The following LGALS12 variants were observed in gnomAD, a reference collection of about 807,000 sequenced individuals.
LGALS12 encodes the protein galectin 12, also known as galectin-12.
Under a neutral mutation model 36.8 loss-of-function variants are expected in LGALS12, and 36 were observed. That is an observed-to-expected ratio of 0.98 (90% CI 0.75 to 1.29). LGALS12 has a LOEUF of 1.29. Among genes scored for constraint, LGALS12 ranks in the 50% most tolerant of loss-of-function variants. The pLI is 0.00. For synonymous variants in LGALS12, 145 were observed against 155.9 expected (o/e 0.93, Z 0.52); for missense variants, 366 against 394.3 (o/e 0.93, Z 0.61).
At position 63,508,861 on chromosome 11, in the gene LGALS12, C is replaced by A; in HGVS notation, c.242C>A (p.Thr81Asn). ...AFHFNPRFHT[T>N]KPHVICNTLH... is the part of the protein sequence containing the mutation. ...CACTTCAACCCTCGCTTCCATACCA[C>A]CAAGCCCCATGTCATCTGCAACACC... Residue 81 changes from threonine (T) to asparagine (N), a missense_variant, in exon 3 of 9, where the codon ACC (threonine) becomes AAC (asparagine). Thr to Asn is a moderately conservative substitution (Grantham distance 65). Transcript: ENST00000394618. 6.2e-7 allele frequency: 1 copy of A among 1,614,230 alleles called. No individual in the cohort carries two copies.
chr11:63,516,273 G>A lies in LGALS12; in HGVS notation c.825G>A (p.Gly275=), dbSNP rs1293361583. ...FEVLLLFQEG[G]LKLALNGQGL... Reference sequence around the variant, plus strand: ...TGCTGCTCCTGTTCCAGGAGGGAGGGCTGAAGCTGGCGCTCAATGGGCAGG... The same window carrying A: ...TGCTGCTCCTGTTCCAGGAGGGAGGACTGAAGCTGGCGCTCAATGGGCAGG... The change falls in exon 9 of 9, where the codon GGG becomes GGA. Residue 275 remains glycine (G), a synonymous_variant. Transcript: ENST00000394618. 1.9e-6 allele frequency: 3 copies of A among 1,597,572 alleles called. No homozygotes were observed. Among genetic ancestry groups the A allele is most frequent in the Admixed American group, 1.7e-5 (1 of 57,950 alleles).
In LGALS12 at chr11:63,516,584, A is replaced by G; in HGVS notation, c.*191A>G. The G allele has an allele frequency of 1.6e-6, 1 of 634,768 alleles. No individual in the cohort carries two copies. The highest frequency in any genetic ancestry group is 1.9e-5 in the African/African-American group (1 of 53,930). The allele number at this position is 634,768 out of a possible 1,614,324, so 39.3% of individuals were successfully genotyped here. A position where few individuals can be genotyped will look rare whatever the true frequency, so the allele number is the denominator to read the frequency against. ...GCACAAGAGTGCAAAGGTTCCTCGA[A>G]CTCTGCACCTTCCTCCACCAGGAGC... On this transcript the variant is annotated 3_prime_UTR_variant, in exon 9 of 9. Transcript: ENST00000394618.
At chr11:63,514,957 G>C (rs550090871) in intron 7 of LGALS12, among the ~76,000 whole-genome samples, 1 of 151,760 alleles carries the variant, frequency 6.6e-6, no homozygotes, top group Non-Finnish European at 1.5e-5. Flanking sequence ...TGCTTATTAC[G>C]TTCCAGGTGC....
At chr11:63,511,670 T>C (rs977973927) in intron 6 of LGALS12, 82 bp from the exon 7 acceptor site, 4 of 954,704 alleles carry the variant, frequency 4.2e-6, no homozygotes, top group Admixed American at 1.8e-5. Context: ...CCTGCCCCAG[T>C]GCTCCCCTGG....
chr11:63,515,574 G>C lies in LGALS12; in HGVS notation c.659G>C (p.Ser220Thr). ...VLQEPKHFTV[S>T]LRDQAAHAPV... Reference sequence around the variant, plus strand: ...CCTGCTTCCTGCAGTTTTACTGTGAGCCTGAGGGACCAGGCTGCCCATGCT... The same window carrying C: ...CCTGCTTCCTGCAGTTTTACTGTGACCCTGAGGGACCAGGCTGCCCATGCT... The change falls in exon 8 of 9, where the codon AGC (serine) becomes ACC (threonine). Residue 220 changes from serine (S) to threonine (T), a missense_variant. Physicochemically the swap from Ser to Thr is moderately conservative, Grantham distance 58. Coordinates refer to ENST00000394618, the MANE Select transcript of LGALS12 (RefSeq NM_033101.4). 6.2e-7 allele frequency: 1 copy of C among 1,614,156 alleles called. No individual in the cohort carries two copies. Among genetic ancestry groups the C allele is most frequent in the Non-Finnish European group, 8.5e-7 (1 of 1,180,026 alleles).
intron 1 of LGALS12, chr11:63,508,254 G>C: frequency 8.0e-7 from 1 of 1,250,960 alleles, no homozygotes; most frequent in Non-Finnish European, 1.0e-6. Context: ...CCTCCCTGGG[G>C]TCACTGCAGC....
intron 7 of LGALS12, among the ~76,000 whole-genome samples, chr11:63,513,405 T>C (rs2016985872): frequency 6.6e-6 from 1 of 152,162 alleles, no homozygotes; most frequent in Non-Finnish European, 1.5e-5. Flanking sequence ...AGGAAACCAG[T>C]TGGGAAGGTG....
chr11:63,516,562 C>A lies in LGALS12; in HGVS notation c.*169C>A. 1 of 755,756 alleles carries A rather than the reference C, an allele frequency of 1.3e-6. No homozygotes were observed. Among genetic ancestry groups the A allele is most frequent in the Non-Finnish European group, 2.2e-6 (1 of 464,334 alleles). 46.8% of individuals were successfully genotyped at this position (755,756 alleles called of 1,614,324 possible). A position where few individuals can be genotyped will look rare whatever the true frequency, so the allele number is the denominator to read the frequency against. On this transcript the variant is annotated 3_prime_UTR_variant, in exon 9 of 9. Coordinates refer to ENST00000394618, the MANE Select transcript of LGALS12 (RefSeq NM_033101.4). ...GGAGCTTTGGGCCTGAGGGAAGGCA[C>A]AAGAGTGCAAAGGTTCCTCGAACTC...
At position 63,506,352 on chromosome 11, in the gene LGALS12, G is replaced by C; in HGVS notation, c.-107G>C. On this transcript the variant is annotated 5_prime_UTR_variant, in exon 1 of 9. Transcript: ENST00000394618. ...CAGGTCGCAGGTGAGACTAACAGCT[G>C]GGAGAGCTGCTCCAGGCATTTAGGA... 6.2e-7 allele frequency: 1 copy of C among 1,612,868 alleles called. No homozygotes were observed. Among genetic ancestry groups the C allele is most frequent in the Non-Finnish European group, 8.5e-7 (1 of 1,179,296 alleles).
chr11:63,509,661 T>C (rs2016855441), intron 3 of LGALS12, 117 bp from the exon 4 acceptor site: 1 of 1,014,686 alleles, frequency 9.9e-7, no homozygotes, highest in Non-Finnish European at 1.5e-6. Flanking sequence ...CTCATAGAGA[T>C]GACGTGAAGT....
chr11:63,510,184 T>TG (rs1392511995), intron 4 of LGALS12, among the ~76,000 whole-genome samples: 1 of 152,138 alleles, frequency 6.6e-6, no homozygotes, highest in African/African-American at 2.4e-5. Context: ...TTTGGCACAC[T>TG]GGGGGCCGAA....
chr11:63,509,683 A>G, intron 3 of LGALS12, 95 bp from the exon 4 acceptor site: 1 of 1,427,974 alleles, frequency 7.0e-7, no homozygotes, highest in South Asian at 1.3e-5. Context: ...AAGTGAGGCA[A>G]AATTGAGGAA....
At chr11:63,510,794 A>T (rs1464106277) in intron 5 of LGALS12, among the ~76,000 whole-genome samples, 1 of 152,238 alleles carries the variant, frequency 6.6e-6, no homozygotes, top group East Asian at 1.9e-4. Context: ...CACCTCTGCA[A>T]GGTGGCTGGG....
chr11:63,509,517 G>C (rs1056055476), intron 3 of LGALS12, among the ~76,000 whole-genome samples: 3 of 152,148 alleles, frequency 2.0e-5, no homozygotes, highest in Non-Finnish European at 4.4e-5. Context: ...ATGACTCTTT[G>C]GGCTGCTGAG....
At chr11:63,516,125 G>A in intron 8 of LGALS12, 122 bp from the exon 9 acceptor site, 1 of 1,240,984 alleles carries the variant, frequency 8.1e-7, no homozygotes, top group Non-Finnish European at 1.1e-6. Context: ...ACTGTACTGG[G>A]TGCCCCCTGG....
chr11:63,516,550 T>G lies in LGALS12; in HGVS notation c.*157T>G. On this transcript the variant is annotated 3_prime_UTR_variant, in exon 9 of 9. Coordinates refer to ENST00000394618, the MANE Select transcript of LGALS12 (RefSeq NM_033101.4). ...ACTGAGTCTACAGGAGCTTTGGGCC[T>G]GAGGGAAGGCACAAGAGTGCAAAGG... The G allele has an allele frequency of 1.2e-6, 1 of 845,504 alleles. No individual in the cohort carries two copies. The highest frequency in any genetic ancestry group is 1.6e-5 in the South Asian group (1 of 61,586). The allele number at this position is 845,504 out of a possible 1,614,324, so 52.4% of individuals were successfully genotyped here.
At chr11:63,510,620 C>A in intron 5 of LGALS12, 119 bp downstream of exon 5, 1 of 925,076 alleles carries the variant, frequency 1.1e-6, no homozygotes, top group Non-Finnish European at 1.7e-6. Context: ...TTGCCACGGA[C>A]ATGGCTGGCT....
chr11:63,508,455 T>G, intron 1 of LGALS12, 98 bp from the exon 2 acceptor site: 1 of 1,519,728 alleles, frequency 6.6e-7, no homozygotes, highest in Non-Finnish European at 8.8e-7. Context: ...AGAGGAAAAG[T>G]TGAGTTTTAT....
intron 1 of LGALS12, chr11:63,508,290 A>C: frequency 1.5e-6 from 2 of 1,331,590 alleles, no homozygotes; most frequent in Non-Finnish European, 1.9e-6. Flanking sequence ...AGCTGGGGAA[A>C]GGCAACTGGC....
Sources: allele counts gnomAD v4.1 joint callset (sites outside exome capture counted in the v4.1 genomes callset), GRCh38; gene constraint gnomAD v4.1.1; transcripts MANE v1.5; gene names NCBI Gene and HGNC (gene_info 2026-07-23, HGNC 2026-07-21).